Variants in ESRRB observed in about 807,000 individuals in gnomAD.
ESRRB encodes the protein steroid hormone receptor ERR2.
ESRRB carries 16 observed loss-of-function variants against 46.0 expected under a neutral mutation model. The ratio of observed to expected loss-of-function variants is 0.35; its 90% CI spans 0.24 to 0.53. The LOEUF (loss-of-function observed/expected upper bound fraction) is 0.53, where lower values mean the gene tolerates loss of function less well. ESRRB is among the 20% of genes least tolerant of loss of function. The probability of loss-of-function intolerance (pLI) is 0.93; values close to 1 mark genes in which losing one functional copy is unlikely to be tolerated. For missense variants in ESRRB, 488 were observed against 607.4 expected (o/e 0.80, Z 2.07); for synonymous variants, 246 against 259.6 (o/e 0.95, Z 0.50).
Position 76,464,231 on chromosome 14 carries a change from C to T in ESRRB, c.577+1570C>T, listed in dbSNP as rs1277542740. On this transcript the variant is annotated intron_variant, in intron 3 of 6. Transcript: ENST00000644823. ...GAGAACGAAGGGACAGGTTTGGAAT[C>T]CAGACCCTTCCTGGAGGGGGAAGGC... Among the ~76,000 whole-genome samples the T allele has an allele frequency of 3.9e-5, 6 of 152,274 alleles. No individual in the cohort carries two copies. In the East Asian group the frequency reaches 1.2e-3, roughly 29 times the overall value.
intron 1 of ESRRB, among the ~76,000 whole-genome samples, chr14:76,328,048 C>T (rs1788119814): frequency 6.6e-6 from 1 of 152,110 alleles, no homozygotes; most frequent in African/African-American, 2.4e-5. Flanking sequence ...TGCACTTCAG[C>T]CCCATGCAAT....
At chr14:76,326,764 C>T (rs940937479) in intron 1 of ESRRB, among the ~76,000 whole-genome samples, 5 of 152,246 alleles carry the variant, frequency 3.3e-5, no homozygotes, top group African/African-American at 4.8e-5. Context: ...GACCCAGTTG[C>T]ACCTTTGAAG....
chr14:76,367,890 A>G (rs1884542597), upstream of ESRRB, among the ~76,000 whole-genome samples: 2 of 150,906 alleles, frequency 1.3e-5, no homozygotes, highest in Non-Finnish European at 2.9e-5. Context: ...CACCCTGCAG[A>G]AGGCCTTTGT....
intron 1 of ESRRB, among the ~76,000 whole-genome samples, chr14:76,378,661 C>T (rs891395124): frequency 6.6e-6 from 1 of 152,156 alleles, no homozygotes; most frequent in African/African-American, 2.4e-5. Context: ...GCCTCTTATA[C>T]ATATATGTGC....
At chr14:76,327,445 T>C (rs1883944161) in intron 1 of ESRRB, among the ~76,000 whole-genome samples, 1 of 152,184 alleles carries the variant, frequency 6.6e-6, no homozygotes, top group East Asian at 1.9e-4. Flanking sequence ...GTAGGTTTTC[T>C]AGCCTGACTT....
intron 2 of ESRRB, among the ~76,000 whole-genome samples, chr14:76,458,307 G>C (rs888617380): frequency 6.6e-6 from 1 of 152,048 alleles, no homozygotes; most frequent in African/African-American, 2.4e-5. Context: ...TATCGAGGAG[G>C]CACTTAAAAA....
At chr14:76,342,829 G>A (rs1485270177) in intron 1 of ESRRB, among the ~76,000 whole-genome samples, 1 of 152,218 alleles carries the variant, frequency 6.6e-6, no homozygotes, top group Non-Finnish European at 1.5e-5. Context: ...CTCCATGCCA[G>A]GCATTGTGAC....
At chr14:76,347,984 A>G (rs932157839) in intron 1 of ESRRB, among the ~76,000 whole-genome samples, 5 of 152,152 alleles carry the variant, frequency 3.3e-5, no homozygotes, top group South Asian at 2.1e-4. Context: ...ATGTCATAAG[A>G]ATGACATCTG....
intron 1 of ESRRB, among the ~76,000 whole-genome samples, chr14:76,403,507 G>A (rs1886030291): frequency 6.6e-6 from 1 of 152,230 alleles, no homozygotes; most frequent in African/African-American, 2.4e-5. Flanking sequence ...TGTTAGGGAA[G>A]ACAGACTTTG....
At chr14:76,323,805 G>A (rs1456518555) in intron 1 of ESRRB, among the ~76,000 whole-genome samples, 2 of 152,190 alleles carry the variant, frequency 1.3e-5, no homozygotes, top group East Asian at 3.8e-4. Flanking sequence ...TCTCCAGATG[G>A]GAGTGACCCA....
intron 1 of ESRRB, among the ~76,000 whole-genome samples, chr14:76,331,125 C>G (rs1302760787): frequency 6.6e-6 from 1 of 152,158 alleles, no homozygotes; most frequent in East Asian, 1.9e-4. Flanking sequence ...ACTCCTCCCT[C>G]TCCCCTGAAG....
intron 5 of ESRRB, among the ~76,000 whole-genome samples, chr14:76,487,472 C>A (rs1340960822): frequency 1.3e-5 from 2 of 151,844 alleles, no homozygotes; most frequent in Non-Finnish European, 2.9e-5. Flanking sequence ...AAAATTACAT[C>A]TATGTAATAA....
chr14:76,381,106 A>G (rs1884995783), intron 1 of ESRRB, among the ~76,000 whole-genome samples: 1 of 152,046 alleles, frequency 6.6e-6, no homozygotes, highest in African/African-American at 2.4e-5. Context: ...AGAGGCCCAT[A>G]GGCTTTGGGT....
chr14:76,435,104 C>T (rs1298842914), intron 1 of ESRRB, among the ~76,000 whole-genome samples: 1 of 152,192 alleles, frequency 6.6e-6, no homozygotes, highest in East Asian at 1.9e-4. Flanking sequence ...GAAGGTGTCT[C>T]ACATGCAGCT....
upstream of ESRRB, among the ~76,000 whole-genome samples, chr14:76,370,376 C>T (rs911480109): frequency 9.3e-5 from 14 of 151,208 alleles, no homozygotes; most frequent in African/African-American, 2.7e-4. Context: ...CCAGTCTGGG[C>T]GACAAGAGTG....
At chr14:76,319,454 A>C (rs987736556) in intron 1 of ESRRB, among the ~76,000 whole-genome samples, 1 of 152,144 alleles carries the variant, frequency 6.6e-6, no homozygotes, top group Non-Finnish European at 1.5e-5. Context: ...ACGTGTGCAC[A>C]TTAGGAAGGA....
chr14:76,491,829 G>GA, intron 6 of ESRRB, 113 bp downstream of exon 6: 1 of 1,249,012 alleles, frequency 8.0e-7, no homozygotes, highest in South Asian at 1.6e-5. Context: ...GAGATGAAAG[G>GA]AAAACACTGA....
Position 76,500,612 on chromosome 14 carries a change from G to A in ESRRB, c.*2154G>A. On this transcript the variant is annotated 3_prime_UTR_variant, in exon 7 of 7. Coordinates refer to ENST00000644823, the MANE Select transcript of ESRRB (RefSeq NM_001379180.1). The stretch of plus-strand genomic sequence containing the variant: ...TGCAGCGGGGCCGAGGTAGCACCCT[G>A]CTCTGTCACTTCCTGCTCAAGCTGG... 1 of 1,456,998 alleles carries A rather than the reference G, an allele frequency of 6.9e-7. No individual in the cohort carries two copies. The highest frequency in any genetic ancestry group is 9.6e-7 in the Non-Finnish European group (1 of 1,039,268). The allele number at this position is 1,456,998 out of a possible 1,614,324, so 90.3% of individuals were successfully genotyped here.
intron 1 of ESRRB, among the ~76,000 whole-genome samples, chr14:76,364,548 G>A (rs1054924767): frequency 8.5e-5 from 13 of 152,048 alleles, no homozygotes; most frequent in African/African-American, 1.2e-4. Flanking sequence ...AAAAATTAGC[G>A]AGGTGTGGTG....
Sources: allele counts gnomAD v4.1 joint callset (sites outside exome capture counted in the v4.1 genomes callset), GRCh38; gene constraint gnomAD v4.1.1; transcripts MANE v1.5; gene names NCBI Gene and HGNC (gene_info 2026-07-23, HGNC 2026-07-21).